Variants in NEURL1B observed in about 807,000 individuals in gnomAD.
NEURL1B encodes neuralized E3 ubiquitin protein ligase 1B, also known as E3 ubiquitin-protein ligase NEURL1B.
In NEURL1B, 13 loss-of-function variants were observed where a neutral mutation model predicts 37.4. The observed-to-expected ratio is 0.35, with a 90% CI of 0.23 to 0.55. The LOEUF (loss-of-function observed/expected upper bound fraction) is 0.55, where lower values mean the gene tolerates loss of function less well. Among genes scored for constraint, NEURL1B ranks in the 20% least tolerant of loss-of-function variants. The pLI is 0.89. For missense variants in NEURL1B, 790 were observed against 879.2 expected, an observed-to-expected ratio of 0.90 and a Z score of 1.28; for synonymous variants, 432 against 426.6, an observed-to-expected ratio of 1.01 and a Z score of -0.16.
At chr5:172,658,488 G>T (rs961822561) in intron 1 of NEURL1B, among the ~76,000 whole-genome samples, 1 of 152,158 alleles carries the variant, frequency 6.6e-6, no homozygotes, top group Non-Finnish European at 1.5e-5. Context: ...GACGAGACAC[G>T]CATCAGAGTC....
At chr5:172,652,385 G>C (rs183427963) in intron 1 of NEURL1B, among the ~76,000 whole-genome samples, 1 of 152,248 alleles carries the variant, frequency 6.6e-6, no homozygotes, top group Non-Finnish European at 1.5e-5. Flanking sequence ...TTTGTTTAAC[G>C]TGCAGACGGA....
At position 172,681,417 on chromosome 5, in the gene NEURL1B, A is replaced by C. The variant is rs147104290; in HGVS notation, c.578-2002A>C. Among the ~76,000 whole-genome samples, 12 of 152,358 alleles carry C rather than the reference A, an allele frequency of 7.9e-5. No homozygotes were observed. The East Asian group carries it at 2.1e-3, about 27-fold the overall frequency. On this transcript the variant is annotated intron_variant, in intron 2 of 4. Coordinates refer to ENST00000369800, the MANE Select transcript of NEURL1B (RefSeq NM_001142651.3). Reference sequence around the variant, plus strand: ...GATGTAGACAAATGCACACATATGTACTTTTTTAAAGAAACAAACTGAAAC... The same window carrying C: ...GATGTAGACAAATGCACACATATGTCCTTTTTTAAAGAAACAAACTGAAAC...
intron 1 of NEURL1B, among the ~76,000 whole-genome samples, chr5:172,663,961 G>C (rs1296972796): frequency 4.6e-5 from 7 of 151,702 alleles, no homozygotes; most frequent in Non-Finnish European, 8.8e-5. Flanking sequence ...TGTAGTGACT[G>C]CCAGGAGGCG....
chr5:172,653,470 T>G (rs1000721025), intron 1 of NEURL1B, among the ~76,000 whole-genome samples: 5 of 152,196 alleles, frequency 3.3e-5, no homozygotes, highest in African/African-American at 1.2e-4. Context: ...TATAGACTCT[T>G]TTTAACCTTT....
In NEURL1B at chr5:172,686,973, G is replaced by A; in HGVS notation, c.*48G>A. The stretch of plus-strand genomic sequence containing the variant: ...GCCGGTGCAAGGTCACCTTTCTGAA[G>A]GCCCCCTGGGCTGGGCAACCACATG... On this transcript the variant is annotated 3_prime_UTR_variant, in exon 5 of 5. Coordinates refer to ENST00000369800, the MANE Select transcript of NEURL1B (RefSeq NM_001142651.3). The surrounding 1 kb of genome is among the most constrained non-coding windows in gnomAD (Gnocchi z 7.9). The A allele has an allele frequency of 6.6e-7, 1 of 1,514,208 alleles. No individual in the cohort carries two copies. Among genetic ancestry groups the A allele is most frequent in the Non-Finnish European group, 8.9e-7 (1 of 1,122,516 alleles). The allele number at this position is 1,514,208 out of a possible 1,614,324, so 93.8% of individuals were successfully genotyped here. A position where few individuals can be genotyped will look rare whatever the true frequency, so the allele number is the denominator to read the frequency against.
At position 172,688,349 on chromosome 5, in the gene NEURL1B, C is replaced by G. The variant is rs1474409105; in HGVS notation, c.*1424C>G. 1.3e-5 allele frequency: 2 copies of G among 152,742 alleles called. No homozygotes were observed. The highest frequency in any genetic ancestry group is 4.8e-5 in the African/African-American group (2 of 41,470). The allele number at this position is 152,742 out of a possible 1,614,324, so 9.5% of individuals were successfully genotyped here. A position where few individuals can be genotyped will look rare whatever the true frequency, so the allele number is the denominator to read the frequency against. On this transcript the variant is annotated 3_prime_UTR_variant, in exon 5 of 5. Coordinates refer to ENST00000369800, the MANE Select transcript of NEURL1B (RefSeq NM_001142651.3). The surrounding 1 kb of genome is among the most constrained non-coding windows in gnomAD (Gnocchi z 4.3). ...TTCTTGGGAGGACCAGTACAACGTT[C>G]TAAAAAGCCTGAGACGCCTTACAAA...
intron 1 of NEURL1B, among the ~76,000 whole-genome samples, chr5:172,654,329 A>G (rs187964786): frequency 2.0e-5 from 3 of 152,298 alleles, no homozygotes; most frequent in Non-Finnish European, 4.4e-5. Context: ...CTGCTTTTAC[A>G]AGAGTTTCCT....
chr5:172,645,360 C>T (rs1225903488), intron 1 of NEURL1B, among the ~76,000 whole-genome samples: 3 of 152,118 alleles, frequency 2.0e-5, no homozygotes, highest in Non-Finnish European at 2.9e-5. Flanking sequence ...CTTGCAGAGC[C>T]CTTTTCTCTT....
At chr5:172,643,537 A>G (rs1757506170) in intron 1 of NEURL1B, among the ~76,000 whole-genome samples, 3 of 152,136 alleles carry the variant, frequency 2.0e-5, no homozygotes, top group South Asian at 2.1e-4. Flanking sequence ...CATCGTTGCA[A>G]TGACTGCATT....
At chr5:172,651,734 A>G (rs144018006) in intron 1 of NEURL1B, among the ~76,000 whole-genome samples, 2,621 of 152,334 alleles carry the variant, frequency 0.017, 89 homozygotes, top group African/African-American at 0.061. Context: ...TCCAATCTAC[A>G]TTTTTATTAA....
Position 172,683,396 on chromosome 5 carries a change from T to C in NEURL1B, c.578-23T>C, listed in dbSNP as rs1241844218. 8.4e-6 allele frequency: 11 copies of C among 1,308,374 alleles called. No individual in the cohort carries two copies. In the Admixed American group the frequency reaches 1.4e-4, roughly 17 times the overall value. 81.0% of individuals were successfully genotyped at this position (1,308,374 alleles called of 1,614,324 possible). A position where few individuals can be genotyped will look rare whatever the true frequency, so the allele number is the denominator to read the frequency against. Reference sequence around the variant, plus strand: ...CTGACGCGCGGCCTCTCCCCCTCCATGTCCCTCCCTTTGTCCGCACAGAGA... The same window carrying C: ...CTGACGCGCGGCCTCTCCCCCTCCACGTCCCTCCCTTTGTCCGCACAGAGA... On this transcript the variant is annotated intron_variant, in intron 2 of 4. Coordinates refer to ENST00000369800, the MANE Select transcript of NEURL1B (RefSeq NM_001142651.3). This position sits in a 1 kb window ranked among gnomAD's most constrained non-coding sequence, Gnocchi z 5.6.
intron 1 of NEURL1B, among the ~76,000 whole-genome samples, chr5:172,667,275 T>TAAAAAAAAAAAAAAAAAAAAAAAAA (rs55663413): frequency 6.9e-5 from 5 of 72,288 alleles, no homozygotes; most frequent in Non-Finnish European, 9.4e-5. Context: ...CTGTCTCTAC[T>TAAAAAAAAAAAAAAAAAAAAAAAAA]AAAAAAAAAA....
chr5:172,657,232 T>C lies in NEURL1B; in HGVS notation c.32-12553T>C, dbSNP rs1757814350. On this transcript the variant is annotated intron_variant, in intron 1 of 4. Transcript: ENST00000369800. This position sits in a 1 kb window ranked among gnomAD's most constrained non-coding sequence, Gnocchi z 4.0. ...TAATGTCCCTATATGTGAAATGGGC[T>C]CACAGGGCTATAGAGAGGACCAGTG... is the stretch of plus-strand genomic sequence containing the variant. 6.6e-6 allele frequency among the ~76,000 whole-genome samples: 1 copy of C among 152,144 alleles called. No individual in the cohort carries two copies. The highest frequency in any genetic ancestry group is 1.5e-5 in the Non-Finnish European group (1 of 68,016).
chr5:172,663,696 G>A (rs562610877), intron 1 of NEURL1B, among the ~76,000 whole-genome samples: 184 of 151,834 alleles, frequency 1.2e-3, no homozygotes, highest in African/African-American at 4.0e-3. Flanking sequence ...GAAGTGGGGG[G>A]CACGGCTCAC....
At position 172,686,871 on chromosome 5, in the gene NEURL1B, C is replaced by G; in HGVS notation, c.1614C>G (p.Cys538Trp). 1 of 1,550,442 alleles carries G rather than the reference C, an allele frequency of 6.4e-7. No individual in the cohort carries two copies. Among genetic ancestry groups the G allele is most frequent in the Non-Finnish European group, 8.7e-7 (1 of 1,146,624 alleles). ...GGCTCAAGCGACAGGCCCGGGCCTG[C>G]TGCCCCATCTGCCGGCGGCCCATCA... The part of the protein sequence containing the change: ...GLRLKRQARA[C>W]CPICRRPIKD... The change falls in exon 5 of 5, where the codon TGC becomes TGG. Residue 538 changes from cysteine (C) to tryptophan (W), a missense_variant. Around this residue, in one of 3 missense-constraint regions of NEURL1B, gnomAD observed 115 missense variants for 162.6 expected, o/e 0.71. Transcript: ENST00000369800. The surrounding 1 kb of genome is among the most constrained non-coding windows in gnomAD (Gnocchi z 7.9).
intron 2 of NEURL1B, among the ~76,000 whole-genome samples, chr5:172,678,470 C>T (rs1454565742): frequency 1.3e-5 from 2 of 152,228 alleles, no homozygotes; most frequent in African/African-American, 4.8e-5. Context: ...TCGGACACAA[C>T]TCTTGAATCC....
At chr5:172,651,208 G>C (rs549690032) in intron 1 of NEURL1B, among the ~76,000 whole-genome samples, 1 of 151,960 alleles carries the variant, frequency 6.6e-6, no homozygotes, top group Non-Finnish European at 1.5e-5. Flanking sequence ...AACATGTCTT[G>C]GCTTAGTTGT....
chr5:172,684,201 C>A (rs1485648231), intron 3 of NEURL1B, 63 bp downstream of exon 3: 4 of 1,154,378 alleles, frequency 3.5e-6, no homozygotes, highest in Non-Finnish European at 4.3e-6. Context: ...CGTCTCACCC[C>A]GCTGCGCTCT....
intron 1 of NEURL1B, among the ~76,000 whole-genome samples, chr5:172,658,792 G>T (rs572098334): frequency 2.6e-5 from 4 of 152,142 alleles, no homozygotes; most frequent in African/African-American, 9.7e-5. Flanking sequence ...GTTCCTGCAA[G>T]GTCCTATGGG....
Sources: allele counts gnomAD v4.1 joint callset (sites outside exome capture counted in the v4.1 genomes callset), GRCh38; gene constraint gnomAD v4.1.1; regional missense constraint gnomAD v4.1.1; non-coding constraint Gnocchi (gnomAD v3.1); transcripts MANE v1.5; gene names NCBI Gene and HGNC (gene_info 2026-07-23, HGNC 2026-07-21).